AHDC1: variants seen among roughly 807,000 people sequenced by gnomAD.
The protein encoded by AHDC1 is transcription factor Gibbin.
A neutral mutation model predicts 87.9 loss-of-function variants in AHDC1; 7 were observed. The ratio of observed to expected loss-of-function variants is 0.08; its 90% CI spans 0.05 to 0.15. The LOEUF is 0.15. AHDC1 is among the 10% of genes least tolerant of loss of function. The probability of loss-of-function intolerance (pLI) is 1.00; values close to 1 mark genes in which losing one functional copy is unlikely to be tolerated. For synonymous variants in AHDC1, 1,051 were observed against 1,006.8 expected (o/e 1.04, Z -0.83); for missense variants, 1,841 against 2,253.2 (o/e 0.82, Z 3.70).
At chr1:27,554,050 CAG>C (rs1557671983) in intron 5 of AHDC1, among the ~76,000 whole-genome samples, 2 of 152,164 alleles carry the variant, frequency 1.3e-5, no homozygotes, top group Non-Finnish European at 2.9e-5. Flanking sequence ...GCCTGGGCAG[CAG>C]AGTGAGATCC....
chr1:27,601,318 C>A (rs557732317), intron 3 of AHDC1, among the ~76,000 whole-genome samples: 1 of 152,240 alleles, frequency 6.6e-6, no homozygotes, highest in Non-Finnish European at 1.5e-5. Context: ...CACAGTTAGG[C>A]ACTGACCAGA....
intron 8 of AHDC1, among the ~76,000 whole-genome samples, chr1:27,537,784 C>T (rs2018712309): frequency 6.6e-6 from 1 of 152,150 alleles, no homozygotes; most frequent in Admixed American, 6.5e-5. Flanking sequence ...TCCTCATGCT[C>T]CGGTGGTTTC....
At position 27,550,673 on chromosome 1, in the gene AHDC1, G is replaced by T. The variant is rs147236347; in HGVS notation, c.1443C>A (p.Ile481=). 25 of 1,612,986 alleles carry T rather than the reference G, an allele frequency of 1.5e-5. No homozygotes were observed. The highest frequency in any genetic ancestry group is 1.9e-5 in the Non-Finnish European group (22 of 1,179,874). Residue 481 remains isoleucine, a synonymous_variant, in exon 8 of 9, where the codon ATC becomes ATA. Coordinates refer to ENST00000673934, the MANE Select transcript of AHDC1 (RefSeq NM_001371928.1). ...TGTTCCGCCGCCCCAGCGATACGGGGATCTTGGCCATCTTCACCACCATGC... is the reference window on the plus strand; with the variant it reads ...TGTTCCGCCGCCCCAGCGATACGGGTATCTTGGCCATCTTCACCACCATGC... ...VRRMVVKMAK[I]PVSLGRRNKT...
intron 3 of AHDC1, among the ~76,000 whole-genome samples, chr1:27,596,802 C>T (rs2089386337): frequency 6.6e-6 from 1 of 152,018 alleles, no homozygotes; most frequent in Admixed American, 6.6e-5. Flanking sequence ...ACACACACAC[C>T]TATCACATAA....
chr1:27,567,382 C>CG (rs971371551), intron 3 of AHDC1, among the ~76,000 whole-genome samples: 3 of 151,844 alleles, frequency 2.0e-5, no homozygotes, highest in South Asian at 4.2e-4. Flanking sequence ...AAGCGGCCGT[C>CG]GGGGGGCCGG....
chr1:27,603,818 G>A lies in AHDC1; in HGVS notation c.-817C>T, dbSNP rs900834612. 1 of 151,776 alleles carries A rather than the reference G, an allele frequency of 6.6e-6. No individual in the cohort carries two copies. Among genetic ancestry groups the A allele is most frequent in the Non-Finnish European group, 1.5e-5 (1 of 68,168 alleles). The allele number at this position is 151,776 out of a possible 1,614,324, so 9.4% of individuals were successfully genotyped here. The stretch of plus-strand genomic sequence containing the variant: ...TCTCTGGCTGTCTGTCTGTCTCTCA[G>A]ACTGTCTCTATTTCTCGCTCTCTCT... On this transcript the variant is annotated 5_prime_UTR_variant, in exon 2 of 9. Transcript: ENST00000673934.
At chr1:27,584,453 G>A (rs2088991321) in intron 3 of AHDC1, among the ~76,000 whole-genome samples, 1 of 152,236 alleles carries the variant, frequency 6.6e-6, no homozygotes, top group Admixed American at 6.5e-5. Context: ...GAGGAGTCAA[G>A]TAACTAAGGA....
intron 3 of AHDC1, among the ~76,000 whole-genome samples, chr1:27,600,852 G>A (rs1046607346): frequency 1.3e-5 from 2 of 152,132 alleles, no homozygotes; most frequent in Non-Finnish European, 2.9e-5. Flanking sequence ...CTAAGCCCAT[G>A]CAGTGGGGGT....
chr1:27,597,700 G>A (rs896229383), intron 3 of AHDC1, among the ~76,000 whole-genome samples: 2 of 152,010 alleles, frequency 1.3e-5, no homozygotes, highest in Non-Finnish European at 2.9e-5. Flanking sequence ...GAGGGAAGAG[G>A]GAGAAAACAC....
At chr1:27,597,150 G>C (rs1295634621) in intron 3 of AHDC1, among the ~76,000 whole-genome samples, 2 of 152,148 alleles carry the variant, frequency 1.3e-5, no homozygotes, top group Admixed American at 6.5e-5. Flanking sequence ...TATGGGGGTG[G>C]GGGGCAGGTG....
At chr1:27,537,077 C>T (rs928708162) in intron 8 of AHDC1, among the ~76,000 whole-genome samples, 4 of 152,304 alleles carry the variant, frequency 2.6e-5, no homozygotes, top group African/African-American at 9.6e-5. Flanking sequence ...CAGCCAGAGA[C>T]TTTGGCAGAA....
chr1:27,562,188 G>A lies in AHDC1; in HGVS notation c.-628-3305C>T, dbSNP rs962374219. ...GGCCAGAGCTGGGATGTGTGGGCAG[G>A]GGGAGTGGACGCGCCCAAGCTGGCT... On this transcript the variant is annotated intron_variant, in intron 3 of 8. Transcript: ENST00000673934. This position sits in a 1 kb window ranked among gnomAD's most constrained non-coding sequence, Gnocchi z 4.4. Among the ~76,000 whole-genome samples, 3 of 152,130 alleles carry A rather than the reference G, an allele frequency of 2.0e-5. No homozygotes were observed. Among genetic ancestry groups the A allele is most frequent in the Admixed American group, 1.3e-4 (2 of 15,286 alleles).
At position 27,558,581 on chromosome 1, in the gene AHDC1, GTAAAGAAGCTC is replaced by G. The variant is rs1402790196; in HGVS notation, c.-450-62_-450-52del. The G allele has an allele frequency of 2.5e-6, 1 of 396,850 alleles. No homozygotes were observed. Among genetic ancestry groups the G allele is most frequent in the Non-Finnish European group, 4.4e-6 (1 of 225,618 alleles). The allele number at this position is 396,850 out of a possible 1,614,324, so 24.6% of individuals were successfully genotyped here. ...TGTTGGGTTAATATGTTTTGATTCT[GTAAAGAAGCTC>G]TTTTTGACCTAAGCTGGGAGGGGAT... On this transcript the variant is annotated intron_variant, in intron 4 of 8. Transcript: ENST00000673934. The surrounding 1 kb of genome is among the most constrained non-coding windows in gnomAD (Gnocchi z 5.6).
intron 3 of AHDC1, among the ~76,000 whole-genome samples, chr1:27,564,186 G>A (rs1000853988): frequency 6.6e-6 from 1 of 152,180 alleles, no homozygotes; most frequent in Non-Finnish European, 1.5e-5. Flanking sequence ...CCATAGTGGT[G>A]AGGGAGGCCA....
rs1182617247 is a variant in AHDC1 at position 27,558,861 on chromosome 1, T to A, written c.-606A>T. The A allele has an allele frequency of 2.5e-6, 1 of 398,252 alleles. No individual in the cohort carries two copies. The highest frequency in any genetic ancestry group is 2.1e-5 in the African/African-American group (1 of 48,516). The allele number at this position is 398,252 out of a possible 1,614,324, so 24.7% of individuals were successfully genotyped here. On this transcript the variant is annotated 5_prime_UTR_variant, in exon 4 of 9. Coordinates refer to ENST00000673934, the MANE Select transcript of AHDC1 (RefSeq NM_001371928.1). The surrounding 1 kb of genome is among the most constrained non-coding windows in gnomAD (Gnocchi z 5.6). ...GGGCTCTGGGGTCCAGGCCGATGGG[T>A]TGACAATCAGGCAAGCTCCCATCTG...
Position 27,548,573 on chromosome 1 carries a change from C to A in AHDC1, c.3543G>T (p.Gly1181=), listed in dbSNP as rs767121093. ...AGGCCTCGCTGTTGGCACGCCGAAA[C>A]CCCCCGCCACCAACCGGCTGATTGA... is the stretch of plus-strand genomic sequence containing the variant. ...TQFNQPVGGG[G]FRRANSEASS... The change falls in exon 8 of 9, where the codon GGG becomes GGT. Residue 1181 remains glycine, a synonymous_variant. Transcript: ENST00000673934. 1 of 1,613,360 alleles carries A rather than the reference C, an allele frequency of 6.2e-7. No individual in the cohort carries two copies. Among genetic ancestry groups the A allele is most frequent in the East Asian group, 2.2e-5 (1 of 44,886 alleles).
At position 27,565,595 on chromosome 1, in the gene AHDC1, AG is replaced by A. The variant is rs762657672; in HGVS notation, c.-628-6713del. 1.3e-5 allele frequency among the ~76,000 whole-genome samples: 2 copies of A among 152,182 alleles called. No homozygotes were observed. The highest frequency in any genetic ancestry group is 2.9e-5 in the Non-Finnish European group (2 of 68,024). ...GTGAGCAAGGGGCGGGAGTCACTCT[AG>A]TCTTTCCTTGTTCCTCATAACTTTG... On this transcript the variant is annotated intron_variant, in intron 3 of 8. Coordinates refer to ENST00000673934, the MANE Select transcript of AHDC1 (RefSeq NM_001371928.1). The surrounding 1 kb of genome is among the most constrained non-coding windows in gnomAD (Gnocchi z 4.6).
At chr1:27,545,039 C>A (rs1356534211) in intron 8 of AHDC1, among the ~76,000 whole-genome samples, 1 of 152,046 alleles carries the variant, frequency 6.6e-6, no homozygotes. Flanking sequence ...CACTGCTGTT[C>A]CCTCTGCCCA....
Position 27,590,579 on chromosome 1 carries a change from G to A in AHDC1, c.-629+12818C>T, listed in dbSNP as rs2089195565. Among the ~76,000 whole-genome samples the A allele has an allele frequency of 6.6e-6, 1 of 151,638 alleles. No homozygotes were observed. The highest frequency in any genetic ancestry group is 6.6e-5 in the Admixed American group (1 of 15,238). ...CAAGGTGAGTGTTTTGCTTCTCTCAGACTTGGGGGGTCTGAGGACAAGGCT... is the reference window on the plus strand; with the variant it reads ...CAAGGTGAGTGTTTTGCTTCTCTCAAACTTGGGGGGTCTGAGGACAAGGCT... On this transcript the variant is annotated intron_variant, in intron 3 of 8. Transcript: ENST00000673934. This position sits in a 1 kb window ranked among gnomAD's most constrained non-coding sequence, Gnocchi z 5.4.
Sources: gnomAD v4.1 joint callset for allele counts (sites outside exome capture counted in the v4.1 genomes callset) on GRCh38, gnomAD v4.1.1 for gene constraint, Gnocchi (gnomAD v3.1) non-coding constraint, MANE v1.5 for transcripts, NCBI Gene and HGNC (gene_info 2026-07-23, HGNC 2026-07-21) for gene names.